Variants in EIF2S2 observed in about 807,000 individuals in gnomAD.
EIF2S2 encodes eukaryotic translation initiation factor 2 subunit beta, also known as eukaryotic translation initiation factor 2 subunit 2.
In EIF2S2, 4 loss-of-function variants were observed where a neutral mutation model predicts 44.0. That is an observed-to-expected ratio of 0.09 (90% CI 0.04 to 0.21). The LOEUF (loss-of-function observed/expected upper bound fraction) is 0.21, where lower values mean the gene tolerates loss of function less well. EIF2S2 is among the 10% of genes least tolerant of loss of function. The probability of loss-of-function intolerance (pLI) is 1.00; values close to 1 mark genes in which losing one functional copy is unlikely to be tolerated. For missense variants in EIF2S2, 154 were observed against 392.0 expected (o/e 0.39, Z 5.13); for synonymous variants, 108 against 128.3 (o/e 0.84, Z 1.07).
intron 3 of EIF2S2, among the ~76,000 whole-genome samples, chr20:34,099,941 A>G (rs1303846771): frequency 6.6e-6 from 1 of 152,220 alleles, no homozygotes; most frequent in Non-Finnish European, 1.5e-5. Flanking sequence ...TGTGCTCACC[A>G]GCATGTTAGC....
chr20:34,096,283 G>A (rs1430937567), intron 6 of EIF2S2, among the ~76,000 whole-genome samples: 6 of 149,900 alleles, frequency 4.0e-5, no homozygotes, highest in Non-Finnish European at 5.9e-5. Context: ...CAAGACCCAC[G>A]TTTCTACAAA....
chr20:34,096,614 G>A (rs771763874), intron 6 of EIF2S2, 43 bp downstream of exon 6: 1 of 1,538,988 alleles, frequency 6.5e-7, no homozygotes, highest in East Asian at 2.3e-5. Flanking sequence ...ACTGCAATGA[G>A]AATCTGGCAT....
In EIF2S2 at chr20:34,096,668, A is replaced by G. The variant is rs769111594; in HGVS notation, c.672T>C (p.Asp224=). Reference sequence around the variant, plus strand: ...ATTAACCAACTTACAGTTTACAGATATCTGTAAAGTTGACAAAAGAAGTTT... The same window carrying G: ...ATTAACCAACTTACAGTTTACAGATGTCTGTAAAGTTGACAAAAGAAGTTT... ...TKKTSFVNFT[D]ICKLLHRQPK... The change falls in exon 6 of 9, where the codon GAT becomes GAC. Residue 224 remains aspartate (D), a synonymous_variant. Transcript: ENST00000374980. 6 of 1,599,360 alleles carry G rather than the reference A, an allele frequency of 3.8e-6. No individual in the cohort carries two copies. Among genetic ancestry groups the G allele is most frequent in the Non-Finnish European group, 5.1e-6 (6 of 1,175,896 alleles).
chr20:34,092,333 C>T (rs1025911868), intron 7 of EIF2S2, among the ~76,000 whole-genome samples: 5 of 152,190 alleles, frequency 3.3e-5, no homozygotes, highest in Non-Finnish European at 1.5e-5. Flanking sequence ...CTTTTGCTCC[C>T]TCATTAGTTT....
At chr20:34,097,211 G>A (rs553547393) in intron 5 of EIF2S2, among the ~76,000 whole-genome samples, 1 of 152,222 alleles carries the variant, frequency 6.6e-6, no homozygotes, top group Non-Finnish European at 1.5e-5. Context: ...TGGGGACAGT[G>A]AGTAGTACTA....
intron 6 of EIF2S2, among the ~76,000 whole-genome samples, chr20:34,094,074 T>C (rs915968365): frequency 6.6e-6 from 1 of 152,160 alleles, no homozygotes; most frequent in African/African-American, 2.4e-5. Flanking sequence ...AGTTTTTGTG[T>C]AGAGATGGGG....
chr20:34,090,333 A>G (rs1342002188), intron 8 of EIF2S2, among the ~76,000 whole-genome samples, 184 bp downstream of exon 8: 1 of 152,192 alleles, frequency 6.6e-6, no homozygotes, highest in Non-Finnish European at 1.5e-5. Context: ...TAAAAATCCA[A>G]ATCCTTTTCT....
chr20:34,105,620 T>A (rs939136600), intron 1 of EIF2S2, 75 bp from the exon 2 acceptor site: 3 of 1,347,458 alleles, frequency 2.2e-6, no homozygotes, highest in Non-Finnish European at 3.0e-6. Context: ...ATATGCTTTA[T>A]CCTCAAAAGG....
intron 3 of EIF2S2, among the ~76,000 whole-genome samples, chr20:34,103,006 T>A (rs1371203020): frequency 6.6e-6 from 1 of 152,210 alleles, no homozygotes; most frequent in South Asian, 2.1e-4. Flanking sequence ...CTAGCCTGAG[T>A]GCTCTGGTTT....
At position 34,109,799 on chromosome 20, in the gene EIF2S2, GA is replaced by G. The variant is rs575872741; in HGVS notation, c.15+2296del. 2.7e-3 allele frequency among the ~76,000 whole-genome samples: 379 copies of G among 139,622 alleles called. 3 individuals carry two copies. Among genetic ancestry groups the G allele is most frequent in the Admixed American group, 0.012 (161 of 13,882 alleles). The allele number at this position is 139,622 out of a possible 152,430, so 91.6% of individuals were successfully genotyped here. On this transcript the variant is annotated intron_variant, in intron 1 of 8. Transcript: ENST00000374980. Reference sequence around the variant, plus strand: ...GCAGTTTATTTCAATTATACATCAAGAAAAAAAAAAAACAAAAACAGAAGGC... The same window carrying G: ...GCAGTTTATTTCAATTATACATCAAGAAAAAAAAAAACAAAAACAGAAGGC...
Position 34,098,489 on chromosome 20 carries a change from C to G in EIF2S2, c.433+9G>C, listed in dbSNP as rs756855833. 1 of 1,612,468 alleles carries G rather than the reference C, an allele frequency of 6.2e-7. No homozygotes were observed. ...ACCTCTAAATGTGCTGCTGAGTCCT[C>G]AGCATTACCTTCATCTTTCTCTAGT... On this transcript the variant is annotated intron_variant, in intron 4 of 8. Transcript: ENST00000374980.
chr20:34,091,453 C>T (rs1485501281), intron 7 of EIF2S2, among the ~76,000 whole-genome samples: 5 of 152,156 alleles, frequency 3.3e-5, no homozygotes, highest in African/African-American at 1.2e-4. Flanking sequence ...TGGTGGCTCA[C>T]GCCTGTAATC....
At chr20:34,111,811 G>A (rs2034416191) in intron 1 of EIF2S2, among the ~76,000 whole-genome samples, 1 of 152,240 alleles carries the variant, frequency 6.6e-6, no homozygotes, top group Non-Finnish European at 1.5e-5. Context: ...TATTAACCGG[G>A]CATTCGAGCC....
At position 34,110,446 on chromosome 20, in the gene EIF2S2, G is replaced by A. The variant is rs180750860; in HGVS notation, c.15+1650C>T. On this transcript the variant is annotated intron_variant, in intron 1 of 8. Coordinates refer to ENST00000374980, the MANE Select transcript of EIF2S2 (RefSeq NM_003908.5). Reference sequence around the variant, plus strand: ...CCTACTAACTTTCTGCATGATCTTGGACAAGTTAATCTCCCTCGGCCCTGG... The same window carrying A: ...CCTACTAACTTTCTGCATGATCTTGAACAAGTTAATCTCCCTCGGCCCTGG... Among the ~76,000 whole-genome samples, 35 of 152,228 alleles carry A rather than the reference G, an allele frequency of 2.3e-4. No individual in the cohort carries two copies. In the East Asian group the frequency reaches 4.1e-3, roughly 18 times the overall value.
intron 1 of EIF2S2, among the ~76,000 whole-genome samples, chr20:34,109,634 T>A (rs181996206): frequency 6.6e-6 from 1 of 151,736 alleles, no homozygotes; most frequent in Admixed American, 6.6e-5. Context: ...CACTCCAGCC[T>A]GGGAAACAAG....
At chr20:34,091,718 C>CAAA (rs10714767) in intron 7 of EIF2S2, among the ~76,000 whole-genome samples, 1 of 102,856 alleles carries the variant, frequency 9.7e-6, no homozygotes, top group Non-Finnish European at 1.9e-5. Context: ...AACTCCATCT[C>CAAA]AAAAAAAAAA....
chr20:34,096,069 G>A (rs1464335906), intron 6 of EIF2S2, among the ~76,000 whole-genome samples: 1 of 152,086 alleles, frequency 6.6e-6, no homozygotes, highest in Non-Finnish European at 1.5e-5. Context: ...CACTTTCCCT[G>A]AGCTCACTGC....
rs571232101 is a variant in EIF2S2, at chr20:34,097,971, C to A, written c.434-455G>T. On this transcript the variant is annotated intron_variant, in intron 4 of 8. Transcript: ENST00000374980. ...TTTTAATTAAAAAATCGGGGCCGGG[C>A]GCTGTGGCTCACACCTGTAATCCCA... is the stretch of plus-strand genomic sequence containing the variant. Among the ~76,000 whole-genome samples the A allele has an allele frequency of 1.4e-4, 21 of 152,192 alleles. No individual in the cohort carries two copies. The East Asian group carries it at 3.9e-3, about 28-fold the overall frequency.
intron 6 of EIF2S2, among the ~76,000 whole-genome samples, chr20:34,094,908 G>T (rs2034209399): frequency 6.6e-6 from 1 of 152,130 alleles, no homozygotes; most frequent in African/African-American, 2.4e-5. Context: ...AATAAAATAG[G>T]TAAGCTCCTA....
Sources: gnomAD v4.1 joint callset for allele counts (sites outside exome capture counted in the v4.1 genomes callset) on GRCh38, gnomAD v4.1.1 for gene constraint, MANE v1.5 for transcripts, NCBI Gene and HGNC (gene_info 2026-07-23, HGNC 2026-07-21) for gene names.